Variants in ZNF529 observed in about 807,000 individuals in gnomAD.
ZNF529 encodes the protein zinc finger protein 529.
A neutral mutation model predicts 10.1 loss-of-function variants in ZNF529; 11 were observed. That is an observed-to-expected ratio of 1.09 (90% CI 0.69 to 1.81). The LOEUF (loss-of-function observed/expected upper bound fraction) is 1.81, where lower values mean the gene tolerates loss of function less well. Among genes scored for constraint, ZNF529 ranks in the 40% most tolerant of loss-of-function variants. The pLI is 0.00. For missense variants in ZNF529, 624 were observed against 666.8 expected, an observed-to-expected ratio of 0.94 and a Z score of 0.71; for synonymous variants, 204 against 215.7, an observed-to-expected ratio of 0.95 and a Z score of 0.47.
chr19:36,579,961 A>G (rs1228663869), intron 2 of ZNF529, among the ~76,000 whole-genome samples: 1 of 152,202 alleles, frequency 6.6e-6, no homozygotes, highest in Non-Finnish European at 1.5e-5. Context: ...ACGCAAACAC[A>G]TTATATAGCA....
intron 2 of ZNF529, 137 bp downstream of exon 2, chr19:36,572,196 T>C (rs1412636614): frequency 1.1e-5 from 9 of 849,256 alleles, no homozygotes; most frequent in Admixed American, 2.5e-5. Context: ...ACCTAATGCA[T>C]ATGTGAATAT....
intron 2 of ZNF529, among the ~76,000 whole-genome samples, chr19:36,567,571 A>G (rs574561317): frequency 6.6e-5 from 10 of 151,990 alleles, no homozygotes; most frequent in Non-Finnish European, 7.4e-5. Flanking sequence ...CCTCCTGAGT[A>G]GCTGGGATTA....
intron 2 of ZNF529, among the ~76,000 whole-genome samples, chr19:36,556,621 G>T (rs1197132571): frequency 6.6e-6 from 1 of 152,230 alleles, no homozygotes; most frequent in Non-Finnish European, 1.5e-5. Context: ...GTTTCCAACT[G>T]TTGTGTCCTG....
Position 36,547,689 on chromosome 19 carries a change from G to A in ZNF529, c.869C>T (p.Ser290Phe), listed in dbSNP as rs1307921588. 1 of 1,613,840 alleles carries A rather than the reference G, an allele frequency of 6.2e-7. No individual in the cohort carries two copies. The change falls in exon 5 of 5, where the codon TCC (serine) becomes TTC (phenylalanine). Residue 290 changes from serine (S) to phenylalanine (F), a missense_variant. Transcript: ENST00000591340. ...AGTAAGTTGTGCATGCACTCTAAAGGATTTCCCACAGAATGAGCATTCAAA... is the reference window on the plus strand; with the variant it reads ...AGTAAGTTGTGCATGCACTCTAAAGAATTTCCCACAGAATGAGCATTCAAA... ...KHFECSFCGK[S>F]FRVHAQLTRH...
intron 2 of ZNF529, among the ~76,000 whole-genome samples, chr19:36,556,786 C>T (rs972783460): frequency 1.3e-5 from 2 of 152,180 alleles, no homozygotes; most frequent in African/African-American, 4.8e-5. Context: ...AGAATGGTGG[C>T]TCTGAGATTT....
At chr19:36,603,318 T>C (rs1223986427) in intron 1 of ZNF529, among the ~76,000 whole-genome samples, 2 of 152,102 alleles carry the variant, frequency 1.3e-5, no homozygotes, top group African/African-American at 4.8e-5. Flanking sequence ...AGGTGTTATA[T>C]GAAAATTAAC....
At chr19:36,566,572 C>T (rs2035904515) in intron 2 of ZNF529, among the ~76,000 whole-genome samples, 1 of 127,240 alleles carries the variant, frequency 7.9e-6, no homozygotes, top group Non-Finnish European at 1.6e-5. Flanking sequence ...ACCTGTGGTC[C>T]TAGCTGTTGG....
Position 36,554,670 on chromosome 19 carries a change from C to G in ZNF529, c.235G>C (p.Asp79His), listed in dbSNP as rs535609901. 1 of 1,549,010 alleles carries G rather than the reference C, an allele frequency of 6.5e-7. No individual in the cohort carries two copies. The highest frequency in any genetic ancestry group is 1.9e-5 in the Admixed American group (1 of 51,340). ...AGTTATTTAAGGCAGATAAATTTAC[C>G]CAGTGAGAGTAAGTTGCTGTAGTTC... Reference protein sequence around the residue: ...MENYSNLLSLDLESRNETKHL... With the variant: ...MENYSNLLSLHLESRNETKHL... The change falls in exon 4 of 5, where the codon GAT becomes CAT. Residue 79 changes from aspartate (D) to histidine (H), a missense_variant and splice_region_variant. Transcript: ENST00000591340.
intron 1 of ZNF529, 161 bp downstream of exon 1, chr19:36,572,979 A>T (rs1159168908): frequency 6.3e-6 from 1 of 158,378 alleles, no homozygotes; most frequent in Non-Finnish European, 1.4e-5. Flanking sequence ...TGGTCACAAC[A>T]GTGCTGTCAC....
rs1426540625 is a variant in ZNF529, at chr19:36,605,125, C to A, written c.-128+1G>T. 6.6e-6 allele frequency: 1 copy of A among 152,440 alleles called. No individual in the cohort carries two copies. The highest frequency in any genetic ancestry group is 2.4e-5 in the African/African-American group (1 of 41,468). 9.4% of individuals were successfully genotyped at this position (152,440 alleles called of 1,614,324 possible). ...TCCAGACCCGGGTCACCTCAACTCA[C>A]CACATGGAAAACGAACACCAGGTCA... is the stretch of plus-strand genomic sequence containing the variant. On this transcript the variant is annotated splice_donor_variant, in intron 1 of 4. Transcript: ENST00000585960. LOFTEE classifies it low-confidence loss of function (5UTR_SPLICE).
At chr19:36,560,855 G>A (rs2035664551) in intron 2 of ZNF529, among the ~76,000 whole-genome samples, 1 of 152,164 alleles carries the variant, frequency 6.6e-6, no homozygotes. Context: ...ACTACTCAGA[G>A]TAAAATGTGA....
intron 4 of ZNF529, among the ~76,000 whole-genome samples, chr19:36,548,683 A>C (rs974254522): frequency 6.6e-6 from 1 of 152,210 alleles, no homozygotes; most frequent in African/African-American, 2.4e-5. Context: ...TTTCCTCCCC[A>C]AAAATAAATT....
rs896535798 is a variant in ZNF529, at chr19:36,546,078, T to C, written c.*788A>G. The stretch of plus-strand genomic sequence containing the variant: ...GTGTGTGTGTATATATATATATATA[T>C]ATAGTGTGTTATGTAGTGCATGTGT... On this transcript the variant is annotated 3_prime_UTR_variant, in exon 5 of 5. Transcript: ENST00000591340. The C allele has an allele frequency of 2.7e-5, 4 of 148,880 alleles. No homozygotes were observed. Among genetic ancestry groups the C allele is most frequent in the Non-Finnish European group, 6.0e-5 (4 of 67,206 alleles). 9.2% of individuals were successfully genotyped at this position (148,880 alleles called of 1,614,324 possible). A position where few individuals can be genotyped will look rare whatever the true frequency, so the allele number is the denominator to read the frequency against.
intron 4 of ZNF529, among the ~76,000 whole-genome samples, chr19:36,552,665 C>G (rs1401729404): frequency 6.6e-6 from 1 of 152,136 alleles, no homozygotes; most frequent in Non-Finnish European, 1.5e-5. Flanking sequence ...GTAAGGTGAT[C>G]CCAATTGGAT....
chr19:36,560,793 A>C (rs2145820241), intron 2 of ZNF529, among the ~76,000 whole-genome samples: 1 of 152,360 alleles, frequency 6.6e-6, no homozygotes, highest in Non-Finnish European at 1.5e-5. Flanking sequence ...GATATTTGGC[A>C]GAATAAATCT....
upstream of ZNF529, among the ~76,000 whole-genome samples, chr19:36,574,519 AG>A (rs2036265203): frequency 6.6e-6 from 1 of 151,334 alleles, no homozygotes; most frequent in Non-Finnish European, 1.5e-5. Context: ...GGCCAAGAGG[AG>A]GGGTCCATTC....
chr19:36,564,562 A>T (rs2145829383), intron 2 of ZNF529, among the ~76,000 whole-genome samples: 1 of 152,344 alleles, frequency 6.6e-6, no homozygotes, highest in African/African-American at 2.4e-5. Context: ...ATCTCATATC[A>T]GTCAGAACAA....
upstream of ZNF529, among the ~76,000 whole-genome samples, chr19:36,574,528 T>A (rs1229134307): frequency 2.0e-5 from 3 of 152,048 alleles, no homozygotes; most frequent in Non-Finnish European, 4.4e-5. Flanking sequence ...GAGGGGTCCA[T>A]TCAAGATGGT....
chr19:36,595,028 AC>A (rs1221009726), intron 1 of ZNF529, among the ~76,000 whole-genome samples: 2 of 151,832 alleles, frequency 1.3e-5, no homozygotes, highest in African/African-American at 2.4e-5. Flanking sequence ...ACAGGCATGC[AC>A]CACCATGCCT....
Sources: gnomAD v4.1 joint callset for allele counts (sites outside exome capture counted in the v4.1 genomes callset) on GRCh38, gnomAD v4.1.1 for gene constraint, MANE v1.5 for transcripts, NCBI Gene and HGNC (gene_info 2026-07-23, HGNC 2026-07-21) for gene names.